The following LRRC74A variants were observed in gnomAD, a reference collection of about 807,000 sequenced individuals.
The protein encoded by LRRC74A is leucine rich repeat containing 74A.
Under a neutral mutation model 57.9 loss-of-function variants are expected in LRRC74A, and 44 were observed. The ratio of observed to expected loss-of-function variants is 0.76; its 90% CI spans 0.60 to 0.98. The LOEUF is 0.98. Ranked by LOEUF, LRRC74A falls within the 50% of genes least tolerant of loss-of-function variation. The pLI, the probability that LRRC74A is intolerant of heterozygous loss-of-function variation, is 0.00. For missense variants in LRRC74A, 572 were observed against 574.0 expected (o/e 1.00, Z 0.04); for synonymous variants, 211 against 219.4 (o/e 0.96, Z 0.34).
chr14:76,857,255 T>C (rs575966082), intron 9 of LRRC74A, 125 bp from the exon 10 acceptor site: 1 of 617,002 alleles, frequency 1.6e-6, no homozygotes, highest in South Asian at 1.8e-5. Context: ...GACAAGGAGA[T>C]AATTACTTAC....
chr14:76,845,025 C>A, intron 7 of LRRC74A, 124 bp downstream of exon 7: 2 of 626,282 alleles, frequency 3.2e-6, no homozygotes, highest in East Asian at 2.8e-5. Flanking sequence ...TGTAAACATG[C>A]CCAAAATACA....
rs767307386 is a variant in LRRC74A at position 76,857,423 on chromosome 14, T to C, written c.1001T>C (p.Ile334Thr). The C allele has an allele frequency of 1.3e-5, 21 of 1,587,270 alleles. No homozygotes were observed. The highest frequency in any genetic ancestry group is 1.7e-5 in the Non-Finnish European group (20 of 1,165,346). Residue 334 changes from isoleucine to threonine, a missense_variant, in exon 10 of 14, where the codon ATC (isoleucine) becomes ACC (threonine). By Grantham distance (89) the Ile-to-Thr change is moderately conservative. Coordinates refer to ENST00000689127, the MANE Select transcript of LRRC74A (RefSeq NM_001385106.1). ...AATATGGATGGGGCTATTTTACTTATCCTGGCTATCAAGAGGAACCCCAAA... is the reference window on the plus strand; with the variant it reads ...AATATGGATGGGGCTATTTTACTTACCCTGGCTATCAAGAGGAACCCCAAA... ...PINMDGAILLILAIKRNPKSR... is the reference protein window; with the variant it reads ...PINMDGAILLTLAIKRNPKSR...
intron 7 of LRRC74A, among the ~76,000 whole-genome samples, chr14:76,846,449 G>A (rs1381993630): frequency 1.3e-5 from 2 of 152,148 alleles, no homozygotes; most frequent in African/African-American, 2.4e-5. Context: ...ACAGAGAAAT[G>A]TGTGAGGAGG....
intron 13 of LRRC74A, among the ~76,000 whole-genome samples, chr14:76,867,744 T>C (rs1329306676): frequency 2.0e-5 from 3 of 152,118 alleles, no homozygotes; most frequent in African/African-American, 7.2e-5. Flanking sequence ...CAGATCTTTA[T>C]GCCCTGGTGA....
At chr14:76,849,944 C>T (rs1359075777) in intron 7 of LRRC74A, among the ~76,000 whole-genome samples, 1 of 151,926 alleles carries the variant, frequency 6.6e-6, no homozygotes, top group Admixed American at 6.6e-5. Context: ...CGTGGTGGCT[C>T]ACGCCTGTAA....
chr14:76,830,596 A>G (rs999489824), intron 2 of LRRC74A, among the ~76,000 whole-genome samples: 1 of 152,240 alleles, frequency 6.6e-6, no homozygotes, highest in Admixed American at 6.5e-5. Context: ...TTGAAAGAAG[A>G]AAGACCATTC....
Position 76,844,360 on chromosome 14 carries a change from G to T in LRRC74A, c.545-63G>T, listed in dbSNP as rs146353538. ...AGGGAAGTGGACTGGGAGGGGCAGG[G>T]GGTGGGAGAGGAAGGGAGCCATGGT... On this transcript the variant is annotated intron_variant, in intron 5 of 13. Transcript: ENST00000689127. 453 of 1,455,388 alleles carry T rather than the reference G, an allele frequency of 3.1e-4. No homozygotes were observed. The African/African-American group carries it at 5.7e-3, about 18-fold the overall frequency. The allele number at this position is 1,455,388 out of a possible 1,614,324, so 90.2% of individuals were successfully genotyped here. A position where few individuals can be genotyped will look rare whatever the true frequency, so the allele number is the denominator to read the frequency against.
At chr14:76,831,075 GCACATACC>G in intron 2 of LRRC74A, 120 bp from the exon 3 acceptor site, 1 of 925,932 alleles carries the variant, frequency 1.1e-6, no homozygotes, top group Middle Eastern at 2.5e-4. Context: ...AGGCTTCTTA[GCACATACC>G]CACAGGGAGA....
chr14:76,860,948 C>T, intron 11 of LRRC74A, 109 bp downstream of exon 11: 1 of 1,053,892 alleles, frequency 9.5e-7, no homozygotes, highest in Non-Finnish European at 1.4e-6. Context: ...CTGTACAACC[C>T]TCTCTGATAA....
chr14:76,856,303 C>T (rs1437573264), intron 9 of LRRC74A, among the ~76,000 whole-genome samples: 1 of 152,214 alleles, frequency 6.6e-6, no homozygotes, highest in Non-Finnish European at 1.5e-5. Flanking sequence ...ATGCTGCATG[C>T]TCCTTTCCTT....
rs1364607400 is a variant in LRRC74A at position 76,839,932 on chromosome 14, T to C, written c.544+1961T>C. Reference sequence around the variant, plus strand: ...TTTTAGTAGACACGGGGTTTCACCATGTTGGCCAGGATGGTCTCGATCTCT... The same window carrying C: ...TTTTAGTAGACACGGGGTTTCACCACGTTGGCCAGGATGGTCTCGATCTCT... On this transcript the variant is annotated intron_variant, in intron 5 of 13. Transcript: ENST00000689127. Among the ~76,000 whole-genome samples the C allele has an allele frequency of 1.1e-4, 16 of 152,246 alleles. No individual in the cohort carries two copies. In the East Asian group the frequency reaches 3.1e-3, roughly 29 times the overall value.
intron 11 of LRRC74A, among the ~76,000 whole-genome samples, chr14:76,861,481 C>A (rs1336907313): frequency 6.6e-6 from 1 of 150,806 alleles, no homozygotes; most frequent in Non-Finnish European, 1.5e-5. Context: ...CTGTTCTTTC[C>A]AACAGCTGGT....
intron 9 of LRRC74A, among the ~76,000 whole-genome samples, chr14:76,854,223 C>T (rs1897724219): frequency 1.3e-5 from 2 of 152,240 alleles, no homozygotes; most frequent in African/African-American, 4.8e-5. Context: ...CCCTACTTCC[C>T]ATGGAACTTG....
chr14:76,851,731 TC>T (rs1409348041), intron 7 of LRRC74A, among the ~76,000 whole-genome samples: 1 of 149,950 alleles, frequency 6.7e-6, no homozygotes, highest in East Asian at 2.0e-4. Flanking sequence ...AGTGGCGTGA[TC>T]TCCACTCACT....
At chr14:76,846,405 AG>A (rs1266547589) in intron 7 of LRRC74A, among the ~76,000 whole-genome samples, 1 of 152,236 alleles carries the variant, frequency 6.6e-6, no homozygotes, top group Non-Finnish European at 1.5e-5. Context: ...CCTCCCATCA[AG>A]GGGAATTGTC....
chr14:76,832,934 T>G (rs1896069653), intron 3 of LRRC74A, among the ~76,000 whole-genome samples: 1 of 152,234 alleles, frequency 6.6e-6, no homozygotes, highest in Non-Finnish European at 1.5e-5. Context: ...GCTGACCTCA[T>G]GACCAATGCT....
intron 5 of LRRC74A, 57 bp from the exon 6 acceptor site, chr14:76,844,366 G>A (rs1025462770): frequency 4.5e-5 from 68 of 1,508,206 alleles, no homozygotes; most frequent in Non-Finnish European, 5.9e-5. Flanking sequence ...CAGGGGGTGG[G>A]AGAGGAAGGG....
rs1313761898 is a variant in LRRC74A, at chr14:76,831,332, G to A, written c.296G>A (p.Gly99Asp). The A allele has an allele frequency of 6.2e-7, 1 of 1,613,894 alleles. No homozygotes were observed. The highest frequency in any genetic ancestry group is 2.2e-5 in the East Asian group (1 of 44,886). The change falls in exon 3 of 14, where the codon GGC (glycine) becomes GAC (aspartate). Residue 99 changes from glycine (G) to aspartate (D), a missense_variant. Physicochemically the swap from Gly to Asp is moderately conservative, Grantham distance 94. Coordinates refer to ENST00000689127, the MANE Select transcript of LRRC74A (RefSeq NM_001385106.1). ...TCCTACGTGAACCTCAACCACCACG[G>A]CCTGGGCCCCAGGGGTACCAAGGCT... ...EESYVNLNHH[G>D]LGPRGTKAIA... is the part of the protein sequence containing the mutation.
At chr14:76,856,415 C>T (rs1177623734) in intron 9 of LRRC74A, among the ~76,000 whole-genome samples, 3 of 152,184 alleles carry the variant, frequency 2.0e-5, no homozygotes, top group Admixed American at 6.5e-5. Context: ...TTAAGTTACC[C>T]GAGGGCAGAA....
Sources: allele counts gnomAD v4.1 joint callset (sites outside exome capture counted in the v4.1 genomes callset), GRCh38; gene constraint gnomAD v4.1.1; transcripts MANE v1.5; gene names NCBI Gene and HGNC (gene_info 2026-07-23, HGNC 2026-07-21).